REV3L: variants seen among roughly 807,000 people sequenced by gnomAD.
REV3L encodes DNA polymerase zeta catalytic subunit.
A neutral mutation model predicts 299.4 loss-of-function variants in REV3L; 69 were observed. The observed-to-expected ratio is 0.23, with a 90% CI of 0.19 to 0.28. REV3L has a LOEUF of 0.28. Among genes scored for constraint, REV3L ranks in the 10% least tolerant of loss-of-function variants. The pLI is 1.00. For synonymous variants in REV3L, 1,238 were observed against 1,271.4 expected, an observed-to-expected ratio of 0.97 and a Z score of 0.56; for missense variants, 3,128 against 3,693.8, an observed-to-expected ratio of 0.85 and a Z score of 3.97.
In REV3L at chr6:111,388,089, T is replaced by C; in HGVS notation, c.863-4A>G. 6.3e-7 allele frequency: 1 copy of C among 1,595,106 alleles called. No homozygotes were observed. Among genetic ancestry groups the C allele is most frequent in the East Asian group, 2.2e-5 (1 of 44,712 alleles). ...GTTGCTGGCACAAACCTGTGATCTT[T>C]GAATTTTAAAAGTGCATTAAAAAAT... On this transcript the variant is annotated splice_region_variant and splice_polypyrimidine_tract_variant and intron_variant, in intron 7 of 31. Transcript: ENST00000368802.
chr6:111,480,635 G>T (rs1157729476), intron 1 of REV3L, among the ~76,000 whole-genome samples: 2 of 152,046 alleles, frequency 1.3e-5, no homozygotes, highest in Non-Finnish European at 2.9e-5. Flanking sequence ...CAAACATTTT[G>T]TTGGAAACTG....
chr6:111,457,332 A>C (rs1790267135), intron 1 of REV3L, among the ~76,000 whole-genome samples: 1 of 152,034 alleles, frequency 6.6e-6, no homozygotes, highest in Admixed American at 6.6e-5. Flanking sequence ...AAATAAGAAA[A>C]TATTTTGATA....
intron 1 of REV3L, chr6:111,431,806 T>C: frequency 1.5e-6 from 1 of 661,642 alleles, no homozygotes; most frequent in Non-Finnish European, 2.7e-6. Flanking sequence ...TTTGATTATA[T>C]ATTATGTACA....
intron 16 of REV3L, among the ~76,000 whole-genome samples, chr6:111,361,780 C>A (rs1197072582): frequency 6.6e-6 from 1 of 152,122 alleles, no homozygotes; most frequent in Non-Finnish European, 1.5e-5. Context: ...GAAAATGCCA[C>A]AAGCATAATT....
At chr6:111,309,784 TA>T in intron 30 of REV3L, 68 bp downstream of exon 30, 1 of 1,540,440 alleles carries the variant, frequency 6.5e-7, no homozygotes, top group South Asian at 1.3e-5. Context: ...ATAAAACCTT[TA>T]GTTCTACTGA....
rs528118337 is a variant in REV3L at position 111,339,602 on chromosome 6, AT to A, written c.7539-3993del. On this transcript the variant is annotated intron_variant, in intron 21 of 31. Coordinates refer to ENST00000368802, the MANE Select transcript of REV3L (RefSeq NM_001372078.1). ...TCTTATCTTTCATAACTAAAGGTTAATTTAACAAGGGACATTTTATCTTATA... is the reference window on the plus strand; with the variant it reads ...TCTTATCTTTCATAACTAAAGGTTAATTAACAAGGGACATTTTATCTTATA... 5.5e-4 allele frequency among the ~76,000 whole-genome samples: 83 copies of A among 152,272 alleles called. 1 individual carries two copies. Among genetic ancestry groups the A allele is most frequent in the South Asian group, 3.3e-3 (16 of 4,826 alleles).
chr6:111,474,984 TATATAC>T (rs1215303268), intron 1 of REV3L, among the ~76,000 whole-genome samples: 337 of 13,382 alleles, frequency 0.025, 1 homozygote, highest in Middle Eastern at 0.056. Flanking sequence ...TAGCTGCCTA[TATATAC>T]ACACACACAC....
At chr6:111,383,872 T>A (rs557796744) in intron 9 of REV3L, among the ~76,000 whole-genome samples, 4 of 152,130 alleles carry the variant, frequency 2.6e-5, no homozygotes, top group Admixed American at 6.6e-5. Context: ...TACAGAGCTA[T>A]AGTAATCAAA....
chr6:111,449,546 A>G, intron 1 of REV3L, among the ~76,000 whole-genome samples: 1 of 152,246 alleles, frequency 6.6e-6, no homozygotes, highest in African/African-American at 2.4e-5. Flanking sequence ...CTCACACAGT[A>G]GCAGGAATAA....
rs768544432 is a variant in REV3L at position 111,375,546 on chromosome 6, C to G, written c.2809G>C (p.Val937Leu). The change falls in exon 13 of 32, where the codon GTA (valine) becomes CTA (leucine). Residue 937 changes from valine to leucine, a missense_variant. Transcript: ENST00000368802. ...YETEDSESSF[V>L]THNSKISLPH... Reference sequence around the variant, plus strand: ...AGACTAATTTTTGAGTTGTGAGTTACAAAACTTGACTCACTGTCTTCAGTC... The same window carrying G: ...AGACTAATTTTTGAGTTGTGAGTTAGAAAACTTGACTCACTGTCTTCAGTC... 1 of 1,613,508 alleles carries G rather than the reference C, an allele frequency of 6.2e-7. No homozygotes were observed. Among genetic ancestry groups the G allele is most frequent in the East Asian group, 2.2e-5 (1 of 44,844 alleles).
chr6:111,462,267 G>A (rs1032293363), intron 1 of REV3L, among the ~76,000 whole-genome samples: 1 of 151,970 alleles, frequency 6.6e-6, no homozygotes, highest in East Asian at 1.9e-4. Context: ...GAAATTCATG[G>A]CAAACTTCAG....
intron 1 of REV3L, among the ~76,000 whole-genome samples, chr6:111,438,504 T>TA (rs757079895): frequency 0.038 from 4,695 of 122,794 alleles, 250 homozygotes; most frequent in African/African-American, 0.13. Context: ...ATATTAAGAT[T>TA]AAAAAAAAAA....
chr6:111,358,690 AC>A (rs1269471789), intron 17 of REV3L, 131 bp downstream of exon 17: 1 of 644,550 alleles, frequency 1.6e-6, no homozygotes, highest in Non-Finnish European at 2.6e-6. Context: ...ACAATCTCCT[AC>A]CCCTACCTCA....
chr6:111,326,354 T>C (rs992055549), intron 25 of REV3L, among the ~76,000 whole-genome samples: 5 of 151,960 alleles, frequency 3.3e-5, no homozygotes, highest in African/African-American at 9.7e-5. Flanking sequence ...AAAGATGACA[T>C]ACAAATGACT....
chr6:111,308,099 T>G (rs1562483281), intron 30 of REV3L: 1 of 323,332 alleles, frequency 3.1e-6, no homozygotes, highest in East Asian at 9.5e-5. Flanking sequence ...TCCATGTCCC[T>G]GCAAAGGACA....
At chr6:111,448,820 G>A (rs1789165991) in intron 1 of REV3L, among the ~76,000 whole-genome samples, 1 of 142,604 alleles carries the variant, frequency 7.0e-6, no homozygotes, top group Non-Finnish European at 1.5e-5. Context: ...TAACAAAGAT[G>A]AGGTCTTGGT....
chr6:111,315,858 T>G (rs1018893796), intron 26 of REV3L, among the ~76,000 whole-genome samples: 1 of 152,188 alleles, frequency 6.6e-6, no homozygotes, highest in African/African-American at 2.4e-5. Flanking sequence ...TGCTTGATGA[T>G]CTGAGGTGGA....
At chr6:111,398,412 TG>T (rs1394499737) in intron 4 of REV3L, among the ~76,000 whole-genome samples, 2 of 151,388 alleles carry the variant, frequency 1.3e-5, no homozygotes, top group Non-Finnish European at 2.9e-5. Flanking sequence ...TTTACCCATG[TG>T]GGGGGAAAAA....
intron 1 of REV3L, chr6:111,430,379 C>G (rs1452580066): frequency 1.5e-6 from 2 of 1,291,094 alleles, no homozygotes; most frequent in Admixed American, 1.7e-5. Context: ...AAGAAAAGAT[C>G]AAGAACAATG....
Sources: allele counts gnomAD v4.1 joint callset (sites outside exome capture counted in the v4.1 genomes callset), GRCh38; gene constraint gnomAD v4.1.1; transcripts MANE v1.5; gene names NCBI Gene and HGNC (gene_info 2026-07-23, HGNC 2026-07-21).